Variants in RANBP9 observed in about 807,000 individuals in gnomAD.
RANBP9 encodes the protein ran-binding protein 9.
RANBP9 carries 15 observed loss-of-function variants against 84.3 expected under a neutral mutation model. That is an observed-to-expected ratio of 0.18 (90% CI 0.12 to 0.27). The LOEUF (loss-of-function observed/expected upper bound fraction) is 0.27, where lower values mean the gene tolerates loss of function less well. Among genes scored for constraint, RANBP9 ranks in the 10% least tolerant of loss-of-function variants. The pLI is 1.00. For missense variants in RANBP9, 809 were observed against 912.8 expected, an observed-to-expected ratio of 0.89 and a Z score of 1.46; for synonymous variants, 392 against 349.6, an observed-to-expected ratio of 1.12 and a Z score of -1.35.
intron 2 of RANBP9, among the ~76,000 whole-genome samples, chr6:13,685,788 CG>C (rs1562318075): frequency 1.3e-5 from 2 of 151,590 alleles, no homozygotes; most frequent in South Asian, 4.2e-4. Flanking sequence ...AGTAGCTGGG[CG>C]TGGTGGTGTG....
rs1483371125 is a variant in RANBP9 at position 13,622,125 on chromosome 6, A to G, written c.*237T>C. ...TTGTGATGATCAATTTGAACGTCTG[A>G]AATTCAGTAATATTTAACTCTTAGA... On this transcript the variant is annotated 3_prime_UTR_variant, in exon 14 of 14. Coordinates refer to ENST00000011619, the MANE Select transcript of RANBP9 (RefSeq NM_005493.3). 1 of 303,966 alleles carries G rather than the reference A, an allele frequency of 3.3e-6. No individual in the cohort carries two copies. The highest frequency in any genetic ancestry group is 2.2e-5 in the African/African-American group (1 of 46,056). The allele number at this position is 303,966 out of a possible 1,614,324, so 18.8% of individuals were successfully genotyped here. A position where few individuals can be genotyped will look rare whatever the true frequency, so the allele number is the denominator to read the frequency against.
At chr6:13,694,939 C>T (rs891827380) in intron 2 of RANBP9, among the ~76,000 whole-genome samples, 1 of 152,178 alleles carries the variant, frequency 6.6e-6, no homozygotes, top group African/African-American at 2.4e-5. Context: ...TCTCCCATAT[C>T]AACTGCGATG....
intron 4 of RANBP9, among the ~76,000 whole-genome samples, chr6:13,654,116 T>C (rs1584925326): frequency 1.3e-5 from 2 of 152,256 alleles, no homozygotes; most frequent in Admixed American, 1.3e-4. Context: ...AAATCTTCAC[T>C]TTACCAAAAA....
chr6:13,632,062 A>C (rs1476295013), intron 12 of RANBP9, among the ~76,000 whole-genome samples: 2 of 150,036 alleles, frequency 1.3e-5, no homozygotes, highest in Admixed American at 6.6e-5. Context: ...TAAAACTAAG[A>C]AACTAAGTTA....
chr6:13,680,045 G>A (rs917448560), intron 2 of RANBP9, among the ~76,000 whole-genome samples: 1 of 152,124 alleles, frequency 6.6e-6, no homozygotes, highest in Admixed American at 6.5e-5. Context: ...AGAGGAAAGA[G>A]AATGGAGGAA....
chr6:13,631,496 T>G (rs1764780121), intron 12 of RANBP9, among the ~76,000 whole-genome samples: 1 of 152,172 alleles, frequency 6.6e-6, no homozygotes, highest in African/African-American at 2.4e-5. Context: ...AAGTATCAGA[T>G]TTTGGAGCAC....
chr6:13,698,713 A>T (rs1481394879), intron 1 of RANBP9, among the ~76,000 whole-genome samples: 1 of 152,242 alleles, frequency 6.6e-6, no homozygotes, highest in Admixed American at 6.5e-5. Flanking sequence ...AACTCATTTA[A>T]TATCCAAAAC....
In RANBP9 at chr6:13,711,831, T is replaced by A. The variant is rs1319479006; in HGVS notation, c.-326A>T. Among the ~76,000 whole-genome samples, 1 of 143,646 alleles carries A rather than the reference T, an allele frequency of 7.0e-6. No individual in the cohort carries two copies. Among genetic ancestry groups the A allele is most frequent in the Non-Finnish European group, 1.5e-5 (1 of 64,946 alleles). 94.2% of individuals were successfully genotyped at this position (143,646 alleles called of 152,430 possible). On this transcript the variant is annotated 5_prime_UTR_variant, in exon 1 of 14. Transcript: ENST00000011619. ...CCGCCGCGGCCGCTGCTCTCGCGGC[T>A]GTTTCCCGGCGGGCGGGCCGGGCCG...
chr6:13,707,597 A>T (rs936767853), intron 1 of RANBP9, among the ~76,000 whole-genome samples: 5 of 152,224 alleles, frequency 3.3e-5, no homozygotes, highest in African/African-American at 1.2e-4. Context: ...ATCTGGAGTT[A>T]GTGAAAATTT....
At chr6:13,662,062 T>C (rs1246298430) in intron 2 of RANBP9, among the ~76,000 whole-genome samples, 6 of 152,124 alleles carry the variant, frequency 3.9e-5, no homozygotes, top group African/African-American at 9.7e-5. Flanking sequence ...ACAAAAGAAC[T>C]ATCTGACGAC....
chr6:13,711,330 C>T lies in RANBP9; in HGVS notation c.176G>A (p.Gly59Asp). 1.8e-6 allele frequency: 2 copies of T among 1,109,540 alleles called. No homozygotes were observed. The highest frequency in any genetic ancestry group is 2.2e-6 in the Non-Finnish European group (2 of 910,782). The allele number at this position is 1,109,540 out of a possible 1,614,324, so 68.7% of individuals were successfully genotyped here. A position where few individuals can be genotyped will look rare whatever the true frequency, so the allele number is the denominator to read the frequency against. The change falls in exon 1 of 14, where the codon GGC becomes GAC. Residue 59 changes from glycine to aspartate, a missense_variant. By Grantham distance (94) the Gly-to-Asp change is moderately conservative. Coordinates refer to ENST00000011619, the MANE Select transcript of RANBP9 (RefSeq NM_005493.3). ...GSPGGGAGGE[G>D]LGAAAAALLL... The stretch of plus-strand genomic sequence containing the variant: ...CAGGGCGGCCGCCGCGGCCCCTAAG[C>T]CTTCGCCGCCCGCACCGCCGCCGGG...
Position 13,681,292 on chromosome 6 carries a change from CAA to C in RANBP9, c.683+15491_683+15492del, listed in dbSNP as rs929986866. 5.3e-5 allele frequency among the ~76,000 whole-genome samples: 8 copies of C among 151,068 alleles called. No homozygotes were observed. The South Asian group carries it at 6.3e-4, about 12-fold the overall frequency. On this transcript the variant is annotated intron_variant, in intron 2 of 13. Coordinates refer to ENST00000011619, the MANE Select transcript of RANBP9 (RefSeq NM_005493.3). ...AGGAGGGTTTGAGATAAAGGGGCAA[CAA>C]GAGAGAGTTTGGCGTGGTTGTTATG...
At chr6:13,644,470 G>T (rs1028592134) in intron 6 of RANBP9, 75 bp downstream of exon 6, 4 of 1,448,454 alleles carry the variant, frequency 2.8e-6, no homozygotes, top group Non-Finnish European at 3.8e-6. Flanking sequence ...AAAAGCTTCT[G>T]TGGATACCAA....
intron 1 of RANBP9, among the ~76,000 whole-genome samples, chr6:13,707,884 A>T (rs1758168361): frequency 6.6e-6 from 1 of 152,224 alleles, no homozygotes; most frequent in South Asian, 2.1e-4. Context: ...GTACTTATTC[A>T]ATACTGACAA....
At chr6:13,685,740 CA>C (rs1295563459) in intron 2 of RANBP9, among the ~76,000 whole-genome samples, 2 of 151,938 alleles carry the variant, frequency 1.3e-5, no homozygotes, top group Non-Finnish European at 2.9e-5. Flanking sequence ...CCATCCTGGC[CA>C]ACATGGTGAA....
At chr6:13,705,875 A>AAAAAAAAAAAAAAAAAAAAG (rs1554107633) in intron 1 of RANBP9, among the ~76,000 whole-genome samples, 2 of 150,170 alleles carry the variant, frequency 1.3e-5, no homozygotes, top group African/African-American at 5.0e-5. Flanking sequence ...TCTCAAAAAA[A>AAAAAAAAAAAAAAAAAAAAG]AAAAAAAAAA....
At position 13,637,813 on chromosome 6, in the gene RANBP9, G is replaced by T; in HGVS notation, c.1668C>A (p.Phe556Leu). 6.3e-7 allele frequency: 1 copy of T among 1,588,538 alleles called. No homozygotes were observed. Among genetic ancestry groups the T allele is most frequent in the Non-Finnish European group, 8.5e-7 (1 of 1,170,130 alleles). Residue 556 changes from phenylalanine (F) to leucine (L), a missense_variant, in exon 10 of 14, where the codon TTC (phenylalanine) becomes TTA (leucine). Phe to Leu is a conservative substitution (Grantham distance 22). Around this residue, in one of 5 missense-constraint regions of RANBP9, gnomAD observed 233 missense variants for 234.4 expected, o/e 0.99. Coordinates refer to ENST00000011619, the MANE Select transcript of RANBP9 (RefSeq NM_005493.3). ...NMSRSQQVNNFTSNDVDMETD... is the reference protein window; with the variant it reads ...NMSRSQQVNNLTSNDVDMETD... ...AAGTCAGTGAAATTACTTACCTGGT[G>T]AAGTTATTAACTTGCTGTGATCTTG...
chr6:13,653,808 T>C (rs1765343556), intron 4 of RANBP9, among the ~76,000 whole-genome samples: 1 of 152,134 alleles, frequency 6.6e-6, no homozygotes. Context: ...AGTAAATTCA[T>C]GGTGGCTTGT....
intron 2 of RANBP9, among the ~76,000 whole-genome samples, chr6:13,675,088 A>G (rs1765859142): frequency 6.6e-6 from 1 of 152,218 alleles, no homozygotes; most frequent in South Asian, 2.1e-4. Context: ...CAACACCCCT[A>G]TATCAACAAC....
Sources: gnomAD v4.1 joint callset for allele counts (sites outside exome capture counted in the v4.1 genomes callset) on GRCh38, gnomAD v4.1.1 for gene constraint, gnomAD v4.1.1 regional missense constraint, MANE v1.5 for transcripts, NCBI Gene and HGNC (gene_info 2026-07-23, HGNC 2026-07-21) for gene names.